OSBPL6: variants seen among roughly 807,000 people sequenced by gnomAD.
OSBPL6 encodes the protein oxysterol binding protein like 6.
OSBPL6 carries 49 observed loss-of-function variants against 125.8 expected under a neutral mutation model. The ratio of observed to expected loss-of-function variants is 0.39; its 90% CI spans 0.31 to 0.49. The LOEUF is 0.49. Ranked by LOEUF, OSBPL6 falls within the 20% of genes least tolerant of loss-of-function variation. The probability of loss-of-function intolerance (pLI) is 0.88; values close to 1 mark genes in which losing one functional copy is unlikely to be tolerated. For missense variants in OSBPL6, 986 were observed against 1,135.4 expected (o/e 0.87, Z 1.89); for synonymous variants, 394 against 391.8 (o/e 1.01, Z -0.07).
chr2:178,344,203 T>A lies in OSBPL6; in HGVS notation c.987+4439T>A, dbSNP rs555573093. The A allele has an allele frequency of 6.1e-5, 76 of 1,244,484 alleles. No homozygotes were observed. The African/African-American group carries it at 1.1e-3, about 18-fold the overall frequency. The allele number at this position is 1,244,484 out of a possible 1,614,324, so 77.1% of individuals were successfully genotyped here. On this transcript the variant is annotated intron_variant, in intron 11 of 24. Coordinates refer to ENST00000190611, the MANE Select transcript of OSBPL6 (RefSeq NM_032523.4). ...CAGTTAAAAACTCTCCCTCTCCTTG[T>A]CTGATTATCTTTCATCCTCCCATCT...
intron 15 of OSBPL6, among the ~76,000 whole-genome samples, chr2:178,381,867 C>T (rs72953324): frequency 0.018 from 2,804 of 152,314 alleles, 42 homozygotes; most frequent in Middle Eastern, 0.041. Context: ...TCCCCTCTGT[C>T]ACAGCCACTC....
intron 1 of OSBPL6, among the ~76,000 whole-genome samples, chr2:178,225,028 A>AGTGTGT (rs146108640): frequency 8.4e-6 from 1 of 118,978 alleles, no homozygotes; most frequent in Non-Finnish European, 1.8e-5. Flanking sequence ...TCTCTCTCTG[A>AGTGTGT]GTGTGTGTGT....
At chr2:178,324,851 G>T (rs1688555155) in intron 4 of OSBPL6, among the ~76,000 whole-genome samples, 1 of 152,180 alleles carries the variant, frequency 6.6e-6, no homozygotes, top group East Asian at 1.9e-4. Context: ...ACTTAGACTT[G>T]TCCAACTCCA....
At chr2:178,373,793 C>T (rs1306870820) in intron 14 of OSBPL6, 97 bp from the exon 15 acceptor site, 2 of 1,421,164 alleles carry the variant, frequency 1.4e-6, no homozygotes, top group African/African-American at 1.4e-5. Flanking sequence ...CACTTTTTAA[C>T]ATACAGTATT....
chr2:178,311,356 A>G (rs1438499715), intron 3 of OSBPL6, among the ~76,000 whole-genome samples: 4 of 152,030 alleles, frequency 2.6e-5, no homozygotes, highest in Non-Finnish European at 5.9e-5. Flanking sequence ...CCTTCCCTGC[A>G]TGTACCCATC....
intron 12 of OSBPL6, among the ~76,000 whole-genome samples, chr2:178,350,099 G>A (rs1691114367): frequency 2.0e-5 from 3 of 152,194 alleles, no homozygotes. Context: ...GGCCAGCTCA[G>A]ATTTGAGGGG....
intron 1 of OSBPL6, among the ~76,000 whole-genome samples, chr2:178,267,353 C>CAAAAAAAAA (rs57444695): frequency 1.2e-5 from 1 of 81,754 alleles, no homozygotes; most frequent in African/African-American, 4.6e-5. Context: ...AACTCCATCT[C>CAAAAAAAAA]AAAAAAAAAA....
At chr2:178,381,160 C>T (rs1694440554) in intron 15 of OSBPL6, among the ~76,000 whole-genome samples, 1 of 152,170 alleles carries the variant, frequency 6.6e-6, no homozygotes, top group Non-Finnish European at 1.5e-5. Context: ...TTAGTTTTCC[C>T]ATTCCTCTGA....
intron 1 of OSBPL6, among the ~76,000 whole-genome samples, chr2:178,241,359 G>T (rs1268995058): frequency 6.7e-6 from 1 of 149,988 alleles, no homozygotes; most frequent in South Asian, 2.1e-4. Context: ...TGGTCCTCCC[G>T]CCTCGGCCTC....
chr2:178,359,053 G>A (rs1692083119), intron 12 of OSBPL6, among the ~76,000 whole-genome samples: 1 of 152,128 alleles, frequency 6.6e-6, no homozygotes, highest in Non-Finnish European at 1.5e-5. Context: ...ATGTGTGCCT[G>A]TAGTCCTAGC....
chr2:178,348,963 TTTC>T (rs1428451954), intron 11 of OSBPL6, among the ~76,000 whole-genome samples: 1 of 152,182 alleles, frequency 6.6e-6, no homozygotes, highest in Non-Finnish European at 1.5e-5. Context: ...GATTATGTCT[TTTC>T]TTCCTGTCAT....
intron 1 of OSBPL6, among the ~76,000 whole-genome samples, chr2:178,261,500 A>G (rs574699847): frequency 5.6e-4 from 86 of 152,284 alleles, no homozygotes; most frequent in Non-Finnish European, 9.7e-4. Context: ...AGAAGGAGCT[A>G]AGGACATAAT....
intron 13 of OSBPL6, among the ~76,000 whole-genome samples, chr2:178,363,539 TCAGAGGAATGG>T (rs1692544601): frequency 6.6e-6 from 1 of 152,138 alleles, no homozygotes; most frequent in Non-Finnish European, 1.5e-5. Flanking sequence ...CTCTGGTTGC[TCAGAGGAATGG>T]CAGATCCCTG....
chr2:178,360,084 C>CAAA (rs11298350), intron 12 of OSBPL6, among the ~76,000 whole-genome samples: 1 of 149,590 alleles, frequency 6.7e-6, no homozygotes. Context: ...GACTCTGTCT[C>CAAA]AAAAAAAAAA....
At chr2:178,316,538 C>T (rs1318044797) in intron 3 of OSBPL6, among the ~76,000 whole-genome samples, 1 of 152,128 alleles carries the variant, frequency 6.6e-6, no homozygotes, top group East Asian at 1.9e-4. Context: ...TCTGTAGCCA[C>T]AGTTTCCAGA....
chr2:178,206,976 C>T (rs2089568499), intron 1 of OSBPL6, among the ~76,000 whole-genome samples: 3 of 151,744 alleles, frequency 2.0e-5, no homozygotes, highest in Admixed American at 1.3e-4. Flanking sequence ...GCTGTGTTTC[C>T]CAGGCTGGTC....
At position 178,395,756 on chromosome 2, in the gene OSBPL6, C is replaced by T. The variant is rs1196045005; in HGVS notation, c.*197C>T. ...CCACTTTGGGATCCTTTCTGTTTTG[C>T]TGCAACCATATTCCTTAAAAAAAAA... On this transcript the variant is annotated 3_prime_UTR_variant, in exon 25 of 25. Coordinates refer to ENST00000190611, the MANE Select transcript of OSBPL6 (RefSeq NM_032523.4). 2.3e-6 allele frequency: 1 copy of T among 430,726 alleles called. No homozygotes were observed. The allele number at this position is 430,726 out of a possible 1,614,324, so 26.7% of individuals were successfully genotyped here.
At chr2:178,388,356 G>T (rs1695120586) in intron 20 of OSBPL6, among the ~76,000 whole-genome samples, 1 of 152,154 alleles carries the variant, frequency 6.6e-6, no homozygotes, top group Non-Finnish European at 1.5e-5. Context: ...ACTCTGTGGT[G>T]CCTCCCTCCT....
At chr2:178,353,268 C>G (rs1000116190) in intron 12 of OSBPL6, among the ~76,000 whole-genome samples, 1 of 152,192 alleles carries the variant, frequency 6.6e-6, no homozygotes, top group African/African-American at 2.4e-5. Flanking sequence ...CATAAGTAGG[C>G]TTCAGAAGGT....
Sources: gnomAD v4.1 joint callset for allele counts (sites outside exome capture counted in the v4.1 genomes callset) on GRCh38, gnomAD v4.1.1 for gene constraint, MANE v1.5 for transcripts, NCBI Gene and HGNC (gene_info 2026-07-23, HGNC 2026-07-21) for gene names.